Variants in SLC30A8 observed in about 807,000 individuals in gnomAD.
SLC30A8 encodes solute carrier family 30 member 8.
In SLC30A8, 27 loss-of-function variants were observed where a neutral mutation model predicts 36.9. That is an observed-to-expected ratio of 0.73 (90% CI 0.54 to 1.01). The LOEUF (loss-of-function observed/expected upper bound fraction) is 1.01, where lower values mean the gene tolerates loss of function less well. Among genes scored for constraint, SLC30A8 ranks in the 50% least tolerant of loss-of-function variants. The pLI, the probability that SLC30A8 is intolerant of heterozygous loss-of-function variation, is 0.00. For missense variants in SLC30A8, 439 were observed against 452.0 expected (o/e 0.97, Z 0.26); for synonymous variants, 164 against 172.4 (o/e 0.95, Z 0.38).
rs534855524 is a variant in SLC30A8, at chr8:117,155,855, T to C, written c.419-1836T>C. 1.8e-4 allele frequency among the ~76,000 whole-genome samples: 27 copies of C among 152,264 alleles called. No individual in the cohort carries two copies. The East Asian group carries it at 5.2e-3, about 29-fold the overall frequency. ...GGAAACTTTGTCATTCCTTAGCTCA[T>C]AGAGCTCTGCTTTCATGTTTACATG... On this transcript the variant is annotated intron_variant, in intron 3 of 7. Coordinates refer to ENST00000456015, the MANE Select transcript of SLC30A8 (RefSeq NM_173851.3).
At chr8:117,160,942 G>A (rs997395017) in intron 4 of SLC30A8, among the ~76,000 whole-genome samples, 2 of 152,180 alleles carry the variant, frequency 1.3e-5, no homozygotes, top group African/African-American at 4.8e-5. Flanking sequence ...AGTTCAGAAA[G>A]GCAAAACACT....
At chr8:117,000,034 A>G (rs894898933) in intron 1 of SLC30A8, among the ~76,000 whole-genome samples, 3 of 152,200 alleles carry the variant, frequency 2.0e-5, no homozygotes, top group Non-Finnish European at 2.9e-5. Context: ...TGGTCCTTTG[A>G]GGACGTGCTT....
In SLC30A8 at chr8:117,153,046, C is replaced by A; in HGVS notation, c.374C>A (p.Ser125Ter). The A allele has an allele frequency of 6.2e-7, 1 of 1,613,074 alleles. No homozygotes were observed. The highest frequency in any genetic ancestry group is 8.5e-7 in the Non-Finnish European group (1 of 1,179,330). ...AGTCTCTTCTCCCTGTGGTTGTCATCGAAGCCTCCCTCTAAGCGGCTGACA... is the reference window on the plus strand; with the variant it reads ...AGTCTCTTCTCCCTGTGGTTGTCATAGAAGCCTCCCTCTAAGCGGCTGACA... ...LLSLFSLWLS[S>*]KPPSKRLTFG... The change falls in exon 3 of 8, where the codon TCG (serine) becomes TAG (stop). Residue 125 changes from serine to a stop codon, truncating the protein, a stop_gained. Coordinates refer to ENST00000456015, the MANE Select transcript of SLC30A8 (RefSeq NM_173851.3). LOFTEE classifies it high-confidence loss of function.
Position 116,992,499 on chromosome 8 carries a change from T to A in SLC30A8, c.-266+41380T>A, listed in dbSNP as rs1365806858. On this transcript the variant is annotated intron_variant, in intron 1 of 10. Coordinates refer to the SLC30A8 transcript ENST00000427715. ...CATTTGCCTAGACACAATATGAGAC[T>A]TAGAAGTTAAGAAAAAAAAAAGTGC... 2.7e-5 allele frequency among the ~76,000 whole-genome samples: 4 copies of A among 150,386 alleles called. No individual in the cohort carries two copies. The East Asian group carries it at 5.8e-4, about 22-fold the overall frequency.
intron 2 of SLC30A8, among the ~76,000 whole-genome samples, chr8:117,081,624 T>A (rs1818680634): frequency 6.6e-6 from 1 of 152,206 alleles, no homozygotes; most frequent in Non-Finnish European, 1.5e-5. Flanking sequence ...TCTGGTGACC[T>A]GGAGAATGAG....
At chr8:117,103,761 G>A (rs574834340) in intron 2 of SLC30A8, among the ~76,000 whole-genome samples, 10 of 152,104 alleles carry the variant, frequency 6.6e-5, no homozygotes, top group African/African-American at 1.4e-4. Flanking sequence ...GAGCCACTGC[G>A]CCCAGCCATG....
chr8:117,040,312 CTGGGT>C (rs1817344676), intron 2 of SLC30A8, among the ~76,000 whole-genome samples: 1 of 152,170 alleles, frequency 6.6e-6, no homozygotes, highest in Non-Finnish European at 1.5e-5. Context: ...CAAATGACAT[CTGGGT>C]TGGAATGAAC....
chr8:117,072,098 G>A (rs769268060), intron 2 of SLC30A8, among the ~76,000 whole-genome samples: 1 of 152,174 alleles, frequency 6.6e-6, no homozygotes, highest in Non-Finnish European at 1.5e-5. Context: ...AAAATGGTCT[G>A]GTGATTGATT....
In SLC30A8 at chr8:117,061,793, T is replaced by G. The variant is rs150749442; in HGVS notation, c.-226+22535T>G. Among the ~76,000 whole-genome samples, 374 of 152,286 alleles carry G rather than the reference T, an allele frequency of 2.5e-3. 6 individuals carry two copies. The highest frequency in any genetic ancestry group is 2.0e-3 in the Non-Finnish European group (133 of 68,016). On this transcript the variant is annotated intron_variant, in intron 2 of 10. Coordinates refer to the SLC30A8 transcript ENST00000427715. ...GTATCAGCAAATGGCATTTTACTTA[T>G]GGAGTCCCTGAGAGTCATCTTAGCA...
intron 2 of SLC30A8, among the ~76,000 whole-genome samples, chr8:117,047,057 T>G (rs1374958085): frequency 1.3e-5 from 2 of 152,148 alleles, no homozygotes; most frequent in Admixed American, 1.3e-4. Context: ...CCACCTTGGT[T>G]TAGTCACTGT....
In SLC30A8 at chr8:117,176,591, C is replaced by G. The variant is rs886158006; in HGVS notation, c.*3910C>G. The G allele has an allele frequency of 2.0e-5, 3 of 152,444 alleles. No homozygotes were observed. Among genetic ancestry groups the G allele is most frequent in the Non-Finnish European group, 4.4e-5 (3 of 67,976 alleles). The allele number at this position is 152,444 out of a possible 1,614,324, so 9.4% of individuals were successfully genotyped here. On this transcript the variant is annotated 3_prime_UTR_variant, in exon 8 of 8. Coordinates refer to ENST00000456015, the MANE Select transcript of SLC30A8 (RefSeq NM_173851.3). The stretch of plus-strand genomic sequence containing the variant: ...AAAAAAATAAAAAGGTGACCATCTG[C>G]GGTTTAGTTTTTTAACTTTCTGATT...
At chr8:117,096,179 CATT>C (rs374205398) in intron 2 of SLC30A8, among the ~76,000 whole-genome samples, 5 of 152,264 alleles carry the variant, frequency 3.3e-5, no homozygotes, top group African/African-American at 1.2e-4. Flanking sequence ...TTTCCACGAG[CATT>C]ATTAAGAAGG....
intron 6 of SLC30A8, among the ~76,000 whole-genome samples, chr8:117,170,454 A>G (rs933944145): frequency 3.3e-5 from 5 of 152,184 alleles, no homozygotes; most frequent in Admixed American, 2.0e-4. Flanking sequence ...ATGGTATTAT[A>G]CAATGTTAGG....
intron 1 of SLC30A8, among the ~76,000 whole-genome samples, chr8:117,005,285 G>T (rs1816139244): frequency 6.6e-6 from 1 of 151,184 alleles, no homozygotes; most frequent in South Asian, 2.1e-4. Context: ...TCTTATTCTG[G>T]ACACTTCATA....
chr8:117,039,541 C>T (rs1817318706), intron 2 of SLC30A8, among the ~76,000 whole-genome samples: 1 of 152,190 alleles, frequency 6.6e-6, no homozygotes, highest in African/African-American at 2.4e-5. Context: ...ACGTTAGGCT[C>T]TGCCCCATAC....
At chr8:117,149,491 A>G (rs1822064881) in intron 2 of SLC30A8, among the ~76,000 whole-genome samples, 2 of 152,222 alleles carry the variant, frequency 1.3e-5, no homozygotes, top group Non-Finnish European at 2.9e-5. Context: ...CACAAAGGCT[A>G]AAACACTTTG....
At chr8:117,020,577 A>G (rs1330889433) in intron 1 of SLC30A8, among the ~76,000 whole-genome samples, 1 of 152,210 alleles carries the variant, frequency 6.6e-6, no homozygotes, top group Non-Finnish European at 1.5e-5. Flanking sequence ...ATGCAGAAGA[A>G]TATTTAGTGC....
chr8:117,144,936 G>A (rs138536598), intron 1 of SLC30A8, among the ~76,000 whole-genome samples: 32 of 152,220 alleles, frequency 2.1e-4, no homozygotes, highest in Middle Eastern at 6.8e-3. Flanking sequence ...TTCTCATTTA[G>A]CTAAATCCAC....
At chr8:117,033,370 G>A (rs1817115314) in intron 1 of SLC30A8, among the ~76,000 whole-genome samples, 1 of 152,212 alleles carries the variant, frequency 6.6e-6, no homozygotes, top group Non-Finnish European at 1.5e-5. Context: ...TCAGTATGCT[G>A]TGTGGAATTA....
Sources: gnomAD v4.1 joint callset for allele counts (sites outside exome capture counted in the v4.1 genomes callset) on GRCh38, gnomAD v4.1.1 for gene constraint, MANE v1.5 for transcripts, NCBI Gene and HGNC (gene_info 2026-07-23, HGNC 2026-07-21) for gene names.